Variants in DCDC1 observed in about 807,000 individuals in gnomAD.
DCDC1 encodes the protein doublecortin domain-containing protein 1.
In DCDC1, 200 loss-of-function variants were observed where a neutral mutation model predicts 178.3. The ratio of observed to expected loss-of-function variants is 1.12; its 90% CI spans 1.00 to 1.26. DCDC1 has a LOEUF of 1.26. DCDC1 is among the 50% of genes most tolerant of loss of function. The pLI is 0.00. For synonymous variants in DCDC1, 690 were observed against 604.8 expected (o/e 1.14, Z -2.07); for missense variants, 1,983 against 1,749.2 (o/e 1.13, Z -2.38).
In DCDC1 at chr11:31,213,209, G is replaced by A. The variant is rs139762128; in HGVS notation, c.1221+28241C>T. 1.7e-3 allele frequency among the ~76,000 whole-genome samples: 247 copies of A among 141,772 alleles called. 2 individuals are homozygous for A. Among genetic ancestry groups the A allele is most frequent in the African/African-American group, 6.1e-3 (230 of 37,482 alleles). The allele number at this position is 141,772 out of a possible 152,430, so 93.0% of individuals were successfully genotyped here. A position where few individuals can be genotyped will look rare whatever the true frequency, so the allele number is the denominator to read the frequency against. ...GTTTGCTGTCCTCCAAGAAAGGCATGTGGCTCTTCAGTCACTTCACCCCAG... is the reference window on the plus strand; with the variant it reads ...GTTTGCTGTCCTCCAAGAAAGGCATATGGCTCTTCAGTCACTTCACCCCAG... On this transcript the variant is annotated intron_variant, in intron 9 of 38. Transcript: ENST00000684477.
intron 9 of DCDC1, among the ~76,000 whole-genome samples, chr11:31,182,626 G>C (rs1445323045): frequency 6.6e-6 from 1 of 151,958 alleles, no homozygotes; most frequent in Non-Finnish European, 1.5e-5. Context: ...CAACAAAACA[G>C]TACCAGCCAC....
intron 1 of DCDC1, among the ~76,000 whole-genome samples, chr11:31,368,466 T>G (rs1468590954): frequency 6.6e-6 from 1 of 152,158 alleles, no homozygotes; most frequent in Non-Finnish European, 1.5e-5. Context: ...TCCATTGCTT[T>G]AGGTATTTTC....
chr11:31,326,684 AC>A (rs1347440529), intron 3 of DCDC1, among the ~76,000 whole-genome samples: 1 of 152,198 alleles, frequency 6.6e-6, no homozygotes, highest in Non-Finnish European at 1.5e-5. Context: ...ATAAAGCAAA[AC>A]GAATTAGCTG....
intron 29 of DCDC1, among the ~76,000 whole-genome samples, chr11:30,908,703 T>C (rs78985559): frequency 6.6e-6 from 1 of 152,158 alleles, no homozygotes; most frequent in Non-Finnish European, 1.5e-5. Flanking sequence ...AGAATATGTA[T>C]GAAAATTTCA....
intron 20 of DCDC1, among the ~76,000 whole-genome samples, chr11:30,984,484 A>C (rs1439964976): frequency 6.6e-6 from 1 of 152,190 alleles, no homozygotes; most frequent in Non-Finnish European, 1.5e-5. Flanking sequence ...AATTCTTGAC[A>C]CAACACACAA....
At chr11:31,224,903 C>T (rs1294370696) in intron 9 of DCDC1, among the ~76,000 whole-genome samples, 2 of 152,094 alleles carry the variant, frequency 1.3e-5, no homozygotes, top group African/African-American at 4.8e-5. Context: ...TACCACTCTG[C>T]TGGTGGTAAT....
intron 20 of DCDC1, among the ~76,000 whole-genome samples, chr11:30,978,836 C>T (rs1950244464): frequency 7.2e-6 from 1 of 139,308 alleles, no homozygotes; most frequent in Non-Finnish European, 1.5e-5. Context: ...ACCCCCTTCT[C>T]AGCCTCTGGT....
chr11:30,934,774 T>TA (rs1259893350), intron 21 of DCDC1, among the ~76,000 whole-genome samples: 1 of 152,212 alleles, frequency 6.6e-6, no homozygotes, highest in Admixed American at 6.5e-5. Context: ...GCAACACATG[T>TA]AACAGTTACT....
rs995814755 is a variant in DCDC1, at chr11:31,328,242, T to C, written c.39A>G (p.Leu13=). 1 of 1,600,598 alleles carries C rather than the reference T, an allele frequency of 6.2e-7. No individual in the cohort carries two copies. The highest frequency in any genetic ancestry group is 1.1e-5 in the South Asian group (1 of 89,214). ...TCAAGAGGGATAAGGAAGACTGAGATAGTGCTTCTCTGTGATCTTCTGCTC... is the reference window on the plus strand; with the variant it reads ...TCAAGAGGGATAAGGAAGACTGAGACAGTGCTTCTCTGTGATCTTCTGCTC... The part of the protein sequence containing the change: ...KTGAEDHREA[L]SQSSLSLLTE... The change falls in exon 3 of 39, where the codon CTA becomes CTG. Residue 13 remains leucine (L), a synonymous_variant. Coordinates refer to ENST00000684477, the MANE Select transcript of DCDC1 (RefSeq NM_001387274.1).
rs566330824 is a variant in DCDC1 at position 31,157,370 on chromosome 11, A to ATATATATATAT, written c.1222-19587_1222-19586insATATATATATA. 9.0e-5 allele frequency among the ~76,000 whole-genome samples: 10 copies of ATATATATATAT among 110,964 alleles called. No homozygotes were observed. In the East Asian group the frequency reaches 1.6e-3, roughly 17 times the overall value. The allele number at this position is 110,964 out of a possible 152,430, so 72.8% of individuals were successfully genotyped here. A position where few individuals can be genotyped will look rare whatever the true frequency, so the allele number is the denominator to read the frequency against. On this transcript the variant is annotated intron_variant, in intron 9 of 38. Transcript: ENST00000684477. ...GACCCTTTCTCAAAAAAAAAAAAAA[A>ATATATATATAT]AAATATATATATATATACATATATA...
At chr11:31,217,551 G>T (rs1350829196) in intron 9 of DCDC1, among the ~76,000 whole-genome samples, 1 of 152,020 alleles carries the variant, frequency 6.6e-6, no homozygotes, top group Non-Finnish European at 1.5e-5. Context: ...TGTAAGAAAA[G>T]ATCCAAATGT....
At chr11:31,155,164 A>G (rs749085500) in intron 9 of DCDC1, among the ~76,000 whole-genome samples, 1 of 152,220 alleles carries the variant, frequency 6.6e-6, no homozygotes, top group Non-Finnish European at 1.5e-5. Flanking sequence ...GATACTAAAG[A>G]GGACTAATTT....
chr11:31,209,910 C>G (rs1263821693), intron 9 of DCDC1, among the ~76,000 whole-genome samples: 1 of 152,112 alleles, frequency 6.6e-6, no homozygotes, highest in Non-Finnish European at 1.5e-5. Flanking sequence ...AGTCAGTCCA[C>G]CAGACACAAT....
intron 20 of DCDC1, among the ~76,000 whole-genome samples, chr11:31,039,653 AG>A (rs1236334178): frequency 6.6e-6 from 1 of 152,188 alleles, no homozygotes; most frequent in Non-Finnish European, 1.5e-5. Flanking sequence ...ATTAAGATAA[AG>A]TTCCTATGGA....
intron 9 of DCDC1, among the ~76,000 whole-genome samples, chr11:31,158,402 C>T (rs1318893406): frequency 1.3e-5 from 2 of 152,074 alleles, no homozygotes; most frequent in Non-Finnish European, 2.9e-5. Context: ...CAGGCGTGAG[C>T]CACCGCGCCT....
rs1338607774 is a variant in DCDC1, at chr11:30,904,890, T to C, written c.4308+71A>G. The C allele has an allele frequency of 2.0e-5, 31 of 1,578,196 alleles. No homozygotes were observed. The Admixed American group carries it at 5.0e-4, about 26-fold the overall frequency. On this transcript the variant is annotated intron_variant, in intron 31 of 38. Coordinates refer to ENST00000684477, the MANE Select transcript of DCDC1 (RefSeq NM_001387274.1). ...CATTTATCACTCAATCCCACTGCTT[T>C]TTCTTTAAGAAGAATTGCCATTGTC...
chr11:31,306,695 A>G (rs954555342), intron 4 of DCDC1, among the ~76,000 whole-genome samples: 8 of 151,826 alleles, frequency 5.3e-5, no homozygotes, highest in African/African-American at 1.9e-4. Context: ...AAATATATAT[A>G]TATTATATGC....
intron 1 of DCDC1, among the ~76,000 whole-genome samples, chr11:31,343,421 C>T (rs1417810462): frequency 1.3e-5 from 2 of 152,112 alleles, no homozygotes; most frequent in African/African-American, 4.8e-5. Flanking sequence ...ATTCTCCTGC[C>T]TCAGCCTCGC....
At chr11:31,260,547 T>C (rs1944713669) in intron 8 of DCDC1, among the ~76,000 whole-genome samples, 1 of 152,196 alleles carries the variant, frequency 6.6e-6, no homozygotes, top group South Asian at 2.1e-4. Flanking sequence ...CAGAATGACC[T>C]TGGAGTCAAT....
Sources: allele counts gnomAD v4.1 joint callset (sites outside exome capture counted in the v4.1 genomes callset), GRCh38; gene constraint gnomAD v4.1.1; transcripts MANE v1.5; gene names NCBI Gene and HGNC (gene_info 2026-07-23, HGNC 2026-07-21).